Variants in PDE11A observed in about 807,000 individuals in gnomAD.
PDE11A encodes dual 3',5'-cyclic-AMP and -GMP phosphodiesterase 11A.
Under a neutral mutation model 100.5 loss-of-function variants are expected in PDE11A, and 100 were observed. The ratio of observed to expected loss-of-function variants is 1.00; its 90% CI spans 0.85 to 1.18. The LOEUF (loss-of-function observed/expected upper bound fraction) is 1.18, where lower values mean the gene tolerates loss of function less well. Ranked by LOEUF, PDE11A falls within the 50% of genes most tolerant of loss-of-function variation. The pLI is 0.00. For synonymous variants in PDE11A, 381 were observed against 420.8 expected, an observed-to-expected ratio of 0.91 and a Z score of 1.16; for missense variants, 1,141 against 1,152.6, an observed-to-expected ratio of 0.99 and a Z score of 0.15.
chr2:177,801,308 C>T (rs1241853251), intron 9 of PDE11A, among the ~76,000 whole-genome samples: 1 of 152,116 alleles, frequency 6.6e-6, no homozygotes, highest in Non-Finnish European at 1.5e-5. Context: ...TACTTGTCTA[C>T]TGCCTGTCTT....
chr2:177,859,053 A>G (rs2083895744), intron 5 of PDE11A, among the ~76,000 whole-genome samples: 1 of 152,106 alleles, frequency 6.6e-6, no homozygotes, highest in Non-Finnish European at 1.5e-5. Context: ...CAATGAGAAC[A>G]CTTGGACACA....
chr2:177,984,435 CAT>C (rs1233352768), intron 2 of PDE11A, among the ~76,000 whole-genome samples: 2 of 152,084 alleles, frequency 1.3e-5, no homozygotes, highest in South Asian at 2.1e-4. Context: ...AGAAAGAAAA[CAT>C]AGGTTATATC....
intron 13 of PDE11A, among the ~76,000 whole-genome samples, chr2:177,706,270 A>G (rs2081278200): frequency 6.6e-6 from 1 of 152,038 alleles, no homozygotes; most frequent in Non-Finnish European, 1.5e-5. Context: ...TTATATATGA[A>G]AAAAAGGTAG....
chr2:178,021,931 TG>T (rs1328196016), intron 1 of PDE11A, among the ~76,000 whole-genome samples: 1 of 152,030 alleles, frequency 6.6e-6, no homozygotes, highest in Non-Finnish European at 1.5e-5. Context: ...GTGTCAGACA[TG>T]GGGTAGGAAA....
intron 1 of PDE11A, among the ~76,000 whole-genome samples, chr2:178,029,551 GA>G (rs142210814): frequency 2.7e-5 from 4 of 146,762 alleles, no homozygotes; most frequent in East Asian, 2.0e-4. Flanking sequence ...CTTACCTCAG[GA>G]AAAAAAAAAT....
At chr2:177,723,902 C>A (rs892456804) in intron 12 of PDE11A, among the ~76,000 whole-genome samples, 3 of 152,116 alleles carry the variant, frequency 2.0e-5, no homozygotes, top group Non-Finnish European at 2.9e-5. Flanking sequence ...AAAGCAGAGT[C>A]ATTTCCGATA....
At chr2:177,987,000 C>T (rs13017473) in intron 2 of PDE11A, among the ~76,000 whole-genome samples, 9,530 of 152,186 alleles carry the variant, frequency 0.063, 302 homozygotes, top group South Asian at 0.094. Flanking sequence ...TCCAGTATTT[C>T]TCAGCAAACT....
At chr2:178,070,185 C>T (rs994712296) in intron 1 of PDE11A, among the ~76,000 whole-genome samples, 6 of 152,178 alleles carry the variant, frequency 3.9e-5, no homozygotes, top group Non-Finnish European at 7.3e-5. Flanking sequence ...GCTTCACCTA[C>T]ACCTTTTAAA....
intron 4 of PDE11A, among the ~76,000 whole-genome samples, chr2:177,889,717 CT>C (rs1386135200): frequency 6.6e-6 from 1 of 151,562 alleles, no homozygotes; most frequent in South Asian, 2.1e-4. Context: ...TTTTCTTCTA[CT>C]TTTTTTCAAG....
chr2:177,706,261 T>C (rs1372636975), intron 13 of PDE11A, among the ~76,000 whole-genome samples: 3 of 152,120 alleles, frequency 2.0e-5, no homozygotes. Flanking sequence ...TTTATAGCCT[T>C]ATATATGAAA....
chr2:178,104,302 C>G (rs1269672339), exon 2 of PDE11A: 2 of 1,613,410 alleles, frequency 1.2e-6, no homozygotes, highest in African/African-American at 1.3e-5. Context: ...TAGTTTTTAC[C>G]TTTGTTTTTG....
chr2:177,636,892 C>T (rs138072657), intron 19 of PDE11A, among the ~76,000 whole-genome samples: 13 of 152,304 alleles, frequency 8.5e-5, no homozygotes, highest in African/African-American at 2.9e-4. Context: ...ATCTCGTCTC[C>T]ATCAGGTCTT....
intron 2 of PDE11A, among the ~76,000 whole-genome samples, chr2:178,005,243 C>A (rs1403159063): frequency 6.6e-6 from 1 of 152,094 alleles, no homozygotes; most frequent in African/African-American, 2.4e-5. Flanking sequence ...AATCTTGCTT[C>A]CTAGTGAAAT....
Position 177,763,116 on chromosome 2 carries a change from A to G in PDE11A, c.1788+6207T>C, listed in dbSNP as rs563491348. Reference sequence around the variant, plus strand: ...GCATATTTATGGATGCGTCCTGAGCAGTGCAAGCCGCCCGGCTCGGCTGCT... The same window carrying G: ...GCATATTTATGGATGCGTCCTGAGCGGTGCAAGCCGCCCGGCTCGGCTGCT... On this transcript the variant is annotated intron_variant, in intron 10 of 19. Coordinates refer to ENST00000286063, the MANE Select transcript of PDE11A (RefSeq NM_016953.4). Among the ~76,000 whole-genome samples the G allele has an allele frequency of 2.0e-5, 3 of 152,336 alleles. No individual in the cohort carries two copies. In the South Asian group the frequency reaches 6.2e-4, roughly 32 times the overall value.
intron 1 of PDE11A, among the ~76,000 whole-genome samples, chr2:178,021,782 A>C (rs1251740635): frequency 1.3e-5 from 2 of 152,204 alleles, no homozygotes; most frequent in Non-Finnish European, 2.9e-5. Flanking sequence ...GGAATTATCC[A>C]GAAAAAAAGG....
At chr2:177,705,915 C>T (rs2081271503) in intron 13 of PDE11A, among the ~76,000 whole-genome samples, 1 of 152,140 alleles carries the variant, frequency 6.6e-6, no homozygotes, top group Non-Finnish European at 1.5e-5. Context: ...GAATATACTA[C>T]AAAGCTGCTT....
chr2:177,771,088 C>G (rs569274336), intron 9 of PDE11A, among the ~76,000 whole-genome samples: 6 of 152,314 alleles, frequency 3.9e-5, no homozygotes, highest in Admixed American at 3.9e-4. Context: ...CTCAGCCTCC[C>G]AAAGTGCTGG....
intron 15 of PDE11A, among the ~76,000 whole-genome samples, chr2:177,694,189 C>T (rs539638318): frequency 8.5e-5 from 13 of 152,336 alleles, no homozygotes; most frequent in African/African-American, 3.1e-4. Flanking sequence ...CAACCAACTT[C>T]GTTGACTGCA....
intron 2 of PDE11A, among the ~76,000 whole-genome samples, chr2:177,948,839 G>C (rs768904895): frequency 1.3e-5 from 2 of 152,178 alleles, no homozygotes; most frequent in African/African-American, 4.8e-5. Flanking sequence ...GAGCCCAGGA[G>C]TTCAAGGCTG....
Sources: allele counts gnomAD v4.1 joint callset (sites outside exome capture counted in the v4.1 genomes callset), GRCh38; gene constraint gnomAD v4.1.1; transcripts MANE v1.5; gene names NCBI Gene and HGNC (gene_info 2026-07-23, HGNC 2026-07-21).